Variants in USP8 observed in about 807,000 individuals in gnomAD.
USP8 encodes ubiquitin carboxyl-terminal hydrolase 8.
USP8 carries 27 observed loss-of-function variants against 130.0 expected under a neutral mutation model. The ratio of observed to expected loss-of-function variants is 0.21; its 90% CI spans 0.15 to 0.29. USP8 has a LOEUF of 0.29. USP8 is among the 10% of genes least tolerant of loss of function. The probability of loss-of-function intolerance (pLI) is 1.00; values close to 1 mark genes in which losing one functional copy is unlikely to be tolerated. For synonymous variants in USP8, 392 were observed against 444.1 expected, an observed-to-expected ratio of 0.88 and a Z score of 1.48; for missense variants, 1,029 against 1,312.2, an observed-to-expected ratio of 0.78 and a Z score of 3.33.
rs1567603601 is a variant in USP8, at chr15:50,441,463, CA to C, written c.226del (p.Arg76AspfsTer36). The C allele has an allele frequency of 2.5e-6, 4 of 1,572,558 alleles. No individual in the cohort carries two copies. The highest frequency in any genetic ancestry group is 1.2e-5 in the South Asian group (1 of 83,230). On this transcript the variant is annotated frameshift_variant, in exon 3 of 20. Transcript: ENST00000307179. LOFTEE classifies it high-confidence loss of function. The stretch of plus-strand genomic sequence containing the variant: ...AATACGTGACTGTTTATAATCTTAT[CA>C]AAAAAAGACCTGATTTCAAGCAACA... ...MKYVTVYNLI[K>X]KRPDFKQQQD... is the part of the protein sequence containing the mutation.
Position 50,481,893 on chromosome 15 carries a change from G to A in USP8, c.1631G>A (p.Arg544Lys). ...GAAGATAAAGAAACCTCAGCAAAGAGGGGCAAAGAAATAACAGGAGTAAAA... is the reference window on the plus strand; with the variant it reads ...GAAGATAAAGAAACCTCAGCAAAGAAGGGCAAAGAAATAACAGGAGTAAAA... ...KKEDKETSAKRGKEITGVKRQ... is the reference protein window; with the variant it reads ...KKEDKETSAKKGKEITGVKRQ... Residue 544 changes from arginine (R) to lysine (K), a missense_variant, in exon 11 of 20, where the codon AGG (arginine) becomes AAG (lysine). Coordinates refer to ENST00000307179, the MANE Select transcript of USP8 (RefSeq NM_005154.5). The A allele has an allele frequency of 6.3e-7, 1 of 1,584,614 alleles. No individual in the cohort carries two copies. Among genetic ancestry groups the A allele is most frequent in the African/African-American group, 1.4e-5 (1 of 73,248 alleles).
intron 7 of USP8, among the ~76,000 whole-genome samples, chr15:50,468,134 C>T (rs1190955009): frequency 2.0e-5 from 3 of 151,654 alleles, no homozygotes; most frequent in Non-Finnish European, 4.4e-5. Flanking sequence ...CTGGGTTTCA[C>T]CATGTTGGCC....
rs1164268266 is a variant in USP8 at position 50,509,120 on chromosome 15, G to A, written c.*10032G>A. 13 of 108,028 alleles carry A rather than the reference G, an allele frequency of 1.2e-4. No homozygotes were observed. Among genetic ancestry groups the A allele is most frequent in the East Asian group, 9.6e-4 (3 of 3,138 alleles). 6.7% of individuals were successfully genotyped at this position (108,028 alleles called of 1,614,324 possible). A position where few individuals can be genotyped will look rare whatever the true frequency, so the allele number is the denominator to read the frequency against. ...TGTGCTCCAGCCTGGGCGACAGAGC[G>A]AGACTCCGTCACAAAAAAAAAAAAA... On this transcript the variant is annotated 3_prime_UTR_variant, in exon 20 of 20. Coordinates refer to ENST00000307179, the MANE Select transcript of USP8 (RefSeq NM_005154.5).
Position 50,506,957 on chromosome 15 carries a change from CAAAAAAAAAAAAAAAAAAAA to C in USP8, c.*7883_*7902del, listed in dbSNP as rs58329541. The C allele has an allele frequency of 1.1e-4, 5 of 46,224 alleles. No homozygotes were observed. Among genetic ancestry groups the C allele is most frequent in the Admixed American group, 7.7e-4 (2 of 2,588 alleles). 2.9% of individuals were successfully genotyped at this position (46,224 alleles called of 1,614,324 possible). Reference sequence around the variant, plus strand: ...TGGGCGACAGAGCGAGACTTCATCTCAAAAAAAAAAAAAAAAAAAAAAAAAAAAAAAAATCCAGTTTTAGG... The same window carrying C: ...TGGGCGACAGAGCGAGACTTCATCTCAAAAAAAAAAAAATCCAGTTTTAGG... On this transcript the variant is annotated 3_prime_UTR_variant, in exon 20 of 20. Transcript: ENST00000307179.
At chr15:50,461,442 T>TGA (rs2050998699) in intron 5 of USP8, among the ~76,000 whole-genome samples, 1 of 117,186 alleles carries the variant, frequency 8.5e-6, no homozygotes, top group Non-Finnish European at 1.7e-5. Context: ...AGCATTAGAG[T>TGA]GAGACCCTAT....
chr15:50,465,854 T>C (rs1186974769), intron 7 of USP8, among the ~76,000 whole-genome samples: 1 of 152,216 alleles, frequency 6.6e-6, no homozygotes, highest in Non-Finnish European at 1.5e-5. Context: ...GGTAGTGACC[T>C]AACATTTCTA....
At chr15:50,497,019 A>G in intron 17 of USP8, 70 bp from the exon 18 acceptor site, 1 of 1,530,144 alleles carries the variant, frequency 6.5e-7, no homozygotes, top group Non-Finnish European at 8.8e-7. Context: ...GTGACTAACT[A>G]AATAGGTGCT....
intron 8 of USP8, among the ~76,000 whole-genome samples, chr15:50,475,789 GA>G (rs1045305225): frequency 3.3e-5 from 5 of 152,122 alleles, no homozygotes; most frequent in African/African-American, 1.2e-4. Flanking sequence ...GTTTAGTAGA[GA>G]CGGGGTTTCA....
rs147177148 is a variant in USP8 at position 50,486,565 on chromosome 15, G to T, written c.1890+2204G>T. Among the ~76,000 whole-genome samples the T allele has an allele frequency of 6.6e-5, 10 of 152,184 alleles. No individual in the cohort carries two copies. In the East Asian group the frequency reaches 1.9e-3, roughly 29 times the overall value. On this transcript the variant is annotated intron_variant, in intron 12 of 19. Transcript: ENST00000307179. ...CTGAATTCACAGTTTTCTTATTTTT[G>T]ACTGCAACAGTTAAAGAGCCACAGC... is the stretch of plus-strand genomic sequence containing the variant.
intron 4 of USP8, among the ~76,000 whole-genome samples, chr15:50,452,530 C>G (rs2050657796): frequency 6.6e-6 from 1 of 152,152 alleles, no homozygotes; most frequent in Admixed American, 6.5e-5. Context: ...TTTCTGCCCT[C>G]AAATTGGATT....
At chr15:50,444,592 G>A (rs2050366251) in intron 3 of USP8, 1 of 152,026 alleles carries the variant, frequency 6.6e-6, no homozygotes, top group Non-Finnish European at 1.5e-5. Context: ...CATTTCCAAA[G>A]GGAGTATGTA....
intron 14 of USP8, 71 bp downstream of exon 14, chr15:50,490,596 G>A: frequency 6.5e-7 from 1 of 1,535,516 alleles, no homozygotes. Flanking sequence ...GAATCTGTCA[G>A]TATGTTAGTG....
intron 3 of USP8, among the ~76,000 whole-genome samples, chr15:50,447,011 T>C (rs2050465543): frequency 6.6e-6 from 1 of 152,374 alleles, no homozygotes; most frequent in South Asian, 2.1e-4. Context: ...ATCACTCATA[T>C]TCTGTTCTTG....
chr15:50,494,326 C>G (rs748035415), intron 16 of USP8, 46 bp downstream of exon 16: 2 of 1,489,514 alleles, frequency 1.3e-6, no homozygotes, highest in East Asian at 4.5e-5. Flanking sequence ...TTTAGGGTTG[C>G]TCAGTAGCAC....
Position 50,500,828 on chromosome 15 carries a change from C to T in USP8, c.*1740C>T, listed in dbSNP as rs1250817192. ...GTGTAGTGGCCACCATCCAAATCAC[C>T]AAAATGGTTCTATGGGAGAAAGGAA... On this transcript the variant is annotated 3_prime_UTR_variant, in exon 20 of 20. Transcript: ENST00000307179. 6.3e-7 allele frequency: 1 copy of T among 1,580,898 alleles called. No individual in the cohort carries two copies. Among genetic ancestry groups the T allele is most frequent in the African/African-American group, 1.3e-5 (1 of 74,478 alleles).
rs2051607131 is a variant in USP8, at chr15:50,477,497, C to A, written c.1216C>A (p.Gln406Lys). Reference protein sequence around the residue: ...QPVPSIKNVPQIDRTKKPAVK... With the variant: ...QPVPSIKNVPKIDRTKKPAVK... ...AGTGCCTAGTATAAAGAATGTTCCA[C>A]AGGTATGTTCTTGATTTTAACATTA... is the stretch of plus-strand genomic sequence containing the variant. The change falls in exon 10 of 20, where the codon CAG becomes AAG. Residue 406 changes from glutamine to lysine, a missense_variant and splice_region_variant. By Grantham distance (53) the Gln-to-Lys change is moderately conservative. This residue lies in a region of USP8 where 486 missense variants were observed against 522.0 expected (regional missense o/e 0.93). Coordinates refer to ENST00000307179, the MANE Select transcript of USP8 (RefSeq NM_005154.5). 1 of 1,606,658 alleles carries A rather than the reference C, an allele frequency of 6.2e-7. No individual in the cohort carries two copies. Among genetic ancestry groups the A allele is most frequent in the Admixed American group, 1.7e-5 (1 of 58,378 alleles).
chr15:50,442,209 G>A (rs2050284234), intron 3 of USP8, among the ~76,000 whole-genome samples: 1 of 151,980 alleles, frequency 6.6e-6, no homozygotes, highest in African/African-American at 2.4e-5. Flanking sequence ...CCCAGCCTCA[G>A]TTGATCTGCC....
At chr15:50,492,482 G>A (rs532505231) in intron 14 of USP8, among the ~76,000 whole-genome samples, 1 of 152,194 alleles carries the variant, frequency 6.6e-6, no homozygotes, top group East Asian at 1.9e-4. Context: ...GAGGTTAAAG[G>A]TATGTGTTTC....
Position 50,492,873 on chromosome 15 carries a change from G to A in USP8, c.2407G>A (p.Asp803Asn). The A allele has an allele frequency of 6.2e-7, 1 of 1,614,046 alleles. No homozygotes were observed. The highest frequency in any genetic ancestry group is 1.1e-5 in the South Asian group (1 of 91,074). The change falls in exon 15 of 20, where the codon GAT becomes AAT. Residue 803 changes from aspartate to asparagine, a missense_variant. By Grantham distance (23) the Asp-to-Asn change is conservative (BLOSUM62 1). Transcript: ENST00000307179. ...QCLCNAPHLA[D>N]YFNRNCYQDD... ...CCTATGTAACGCTCCACATTTGGCT[G>A]ATTATTTCAACCGAAACTGTTATCA...
Sources: allele counts gnomAD v4.1 joint callset (sites outside exome capture counted in the v4.1 genomes callset), GRCh38; gene constraint gnomAD v4.1.1; regional missense constraint gnomAD v4.1.1; transcripts MANE v1.5; gene names NCBI Gene and HGNC (gene_info 2026-07-23, HGNC 2026-07-21).